CAMK1D: variants seen among roughly 807,000 people sequenced by gnomAD.
CAMK1D encodes the protein calcium/calmodulin dependent protein kinase ID.
CAMK1D carries 9 observed loss-of-function variants against 47.7 expected under a neutral mutation model. The ratio of observed to expected loss-of-function variants is 0.19; its 90% CI spans 0.11 to 0.33. CAMK1D has a LOEUF of 0.33. CAMK1D is among the 10% of genes least tolerant of loss of function. The probability of loss-of-function intolerance (pLI) is 1.00; values close to 1 mark genes in which losing one functional copy is unlikely to be tolerated. For synonymous variants in CAMK1D, 184 were observed against 184.9 expected (o/e 0.99, Z 0.04); for missense variants, 291 against 488.7 (o/e 0.60, Z 3.81).
chr10:12,548,703 G>T (rs950743641), intron 1 of CAMK1D, among the ~76,000 whole-genome samples: 1 of 151,914 alleles, frequency 6.6e-6, no homozygotes, highest in Admixed American at 6.6e-5. Flanking sequence ...GGGCTCAAGC[G>T]ATCCTCCCAC....
intron 3 of CAMK1D, among the ~76,000 whole-genome samples, chr10:12,683,212 G>A (rs528204600): frequency 1.3e-5 from 2 of 151,648 alleles, no homozygotes; most frequent in African/African-American, 2.4e-5. Flanking sequence ...TCAGCCTCCC[G>A]AGTAGCTGGG....
chr10:12,388,557 C>T (rs935946222), intron 1 of CAMK1D, among the ~76,000 whole-genome samples: 2 of 152,168 alleles, frequency 1.3e-5, no homozygotes, highest in African/African-American at 4.8e-5. Context: ...AGTGTTTTGT[C>T]TTCTCTGTTG....
intron 2 of CAMK1D, among the ~76,000 whole-genome samples, chr10:12,599,733 T>G (rs926548647): frequency 6.6e-6 from 1 of 152,178 alleles, no homozygotes; most frequent in Non-Finnish European, 1.5e-5. Context: ...TGGGTCATAG[T>G]GCATCGGTAT....
intron 1 of CAMK1D, among the ~76,000 whole-genome samples, chr10:12,472,811 C>T (rs1437889111): frequency 4.6e-5 from 7 of 152,152 alleles, no homozygotes; most frequent in Admixed American, 3.3e-4. Flanking sequence ...CGTGAGCCAC[C>T]GCGCCTGGCC....
intron 1 of CAMK1D, among the ~76,000 whole-genome samples, chr10:12,435,010 G>A (rs577997297): frequency 1.4e-3 from 213 of 152,190 alleles, no homozygotes; most frequent in African/African-American, 4.9e-3. Context: ...CTGAGGTCAG[G>A]AGTTCGAGAC....
intron 1 of CAMK1D, among the ~76,000 whole-genome samples, chr10:12,522,201 C>CTTT (rs746434997): frequency 6.2e-4 from 24 of 38,800 alleles, no homozygotes; most frequent in Non-Finnish European, 1.0e-3. Flanking sequence ...CTTTTTTTTT[C>CTTT]TTTTTTTTTT....
intron 6 of CAMK1D, among the ~76,000 whole-genome samples, chr10:12,791,685 C>G (rs957154181): frequency 6.6e-6 from 1 of 152,156 alleles, no homozygotes; most frequent in South Asian, 2.1e-4. Flanking sequence ...GAGTATATTC[C>G]GTTGTGTGGA....
At chr10:12,447,712 A>G (rs1244528084) in intron 1 of CAMK1D, among the ~76,000 whole-genome samples, 1 of 152,170 alleles carries the variant, frequency 6.6e-6, no homozygotes, top group Non-Finnish European at 1.5e-5. Flanking sequence ...AAAAAAAAAT[A>G]TTGATTTTAA....
At chr10:12,417,329 G>A (rs192704572) in intron 1 of CAMK1D, among the ~76,000 whole-genome samples, 95 of 152,310 alleles carry the variant, frequency 6.2e-4, no homozygotes, top group Non-Finnish European at 2.2e-4. Context: ...TTTGGGTGAT[G>A]CTCCAGGGAG....
In CAMK1D at chr10:12,831,784, A is replaced by T. The variant is rs1367458302; in HGVS notation, c.*2897A>T. On this transcript the variant is annotated 3_prime_UTR_variant, in exon 11 of 11. Coordinates refer to ENST00000619168, the MANE Select transcript of CAMK1D (RefSeq NM_153498.4). ...GTTAATTTCCTATTGCTTCAGAGAA[A>T]GAGAGGCGCTCTTGTGCTTTTGAGA... 2 of 152,242 alleles carry T rather than the reference A, an allele frequency of 1.3e-5. No homozygotes were observed. The highest frequency in any genetic ancestry group is 1.5e-5 in the Non-Finnish European group (1 of 68,054). The allele number at this position is 152,242 out of a possible 1,614,324, so 9.4% of individuals were successfully genotyped here. A position where few individuals can be genotyped will look rare whatever the true frequency, so the allele number is the denominator to read the frequency against.
At chr10:12,740,186 T>G (rs1327237425) in intron 3 of CAMK1D, among the ~76,000 whole-genome samples, 2 of 152,150 alleles carry the variant, frequency 1.3e-5, no homozygotes, top group African/African-American at 4.8e-5. Flanking sequence ...ACACCCCTGG[T>G]GTAGCTGCGT....
intron 2 of CAMK1D, among the ~76,000 whole-genome samples, chr10:12,586,448 C>CAA (rs763752164): frequency 1.2e-3 from 38 of 32,004 alleles, no homozygotes; most frequent in African/African-American, 3.8e-3. Flanking sequence ...GACTTCCTCT[C>CAA]AAAAGAAAAA....
chr10:12,652,595 AAAAG>A (rs1229779575), intron 2 of CAMK1D, among the ~76,000 whole-genome samples: 4 of 152,152 alleles, frequency 2.6e-5, no homozygotes, highest in Non-Finnish European at 5.9e-5. Context: ...CTCGAAAAAA[AAAAG>A]AAAGAAAGAA....
Position 12,446,993 on chromosome 10 carries a change from C to T in CAMK1D, c.92+97083C>T, listed in dbSNP as rs147217518. ...CAACTGGCAGCTTCCCCAATTCATC[C>T]TAAGACATTTTGCCATGTCTAGGAT... On this transcript the variant is annotated intron_variant, in intron 1 of 10. Transcript: ENST00000619168. Among the ~76,000 whole-genome samples, 760 of 152,290 alleles carry T rather than the reference C, an allele frequency of 5.0e-3. 5 individuals are homozygous for T. The highest frequency in any genetic ancestry group is 0.017 in the African/African-American group (727 of 41,552).
In CAMK1D at chr10:12,734,355, T is replaced by A. The variant is rs576579262; in HGVS notation, c.300-26593T>A. Among the ~76,000 whole-genome samples, 40 of 4,428 alleles carry A rather than the reference T, an allele frequency of 9.0e-3. 2 individuals are homozygous for A. The highest frequency in any genetic ancestry group is 9.7e-3 in the African/African-American group (22 of 2,258). 2.9% of individuals were successfully genotyped at this position (4,428 alleles called of 152,430 possible). On this transcript the variant is annotated intron_variant, in intron 3 of 10. Transcript: ENST00000619168. ...AAAAAAAAAAAAAAAAATATATATA[T>A]ATATATATATATATATATATATAGA...
At chr10:12,782,981 G>GT (rs869155068) in intron 5 of CAMK1D, among the ~76,000 whole-genome samples, 9 of 134,934 alleles carry the variant, frequency 6.7e-5, no homozygotes, top group African/African-American at 1.4e-4. Context: ...AGTATTTTCA[G>GT]TTTTTTTTTT....
intron 3 of CAMK1D, among the ~76,000 whole-genome samples, chr10:12,672,812 TTTTA>T (rs936390015): frequency 1.6e-4 from 25 of 151,914 alleles, no homozygotes; most frequent in African/African-American, 3.6e-4. Context: ...ACTTTAGTTT[TTTTA>T]TTTATTTGTT....
intron 3 of CAMK1D, among the ~76,000 whole-genome samples, chr10:12,729,341 C>T (rs1834789313): frequency 6.6e-6 from 1 of 152,174 alleles, no homozygotes; most frequent in Non-Finnish European, 1.5e-5. Context: ...ACCTATAGAA[C>T]AGATTAAAGT....
At chr10:12,448,395 T>TA (rs1344645013) in intron 1 of CAMK1D, among the ~76,000 whole-genome samples, 1 of 151,452 alleles carries the variant, frequency 6.6e-6, no homozygotes, top group Non-Finnish European at 1.5e-5. Context: ...TTTGTTTCTC[T>TA]ATATTGCCCA....
Sources: allele counts gnomAD v4.1 joint callset (sites outside exome capture counted in the v4.1 genomes callset), GRCh38; gene constraint gnomAD v4.1.1; transcripts MANE v1.5; gene names NCBI Gene and HGNC (gene_info 2026-07-23, HGNC 2026-07-21).